The following CORIN variants were observed in gnomAD, a reference collection of about 807,000 sequenced individuals.
The protein encoded by CORIN is corin, serine peptidase.
CORIN carries 117 observed loss-of-function variants against 125.3 expected under a neutral mutation model. The observed-to-expected ratio is 0.93, with a 90% CI of 0.80 to 1.09. The LOEUF is 1.09. Ranked by LOEUF, CORIN falls within the 50% of genes least tolerant of loss-of-function variation. The pLI is 0.00. For synonymous variants in CORIN, 450 were observed against 466.4 expected, an observed-to-expected ratio of 0.96 and a Z score of 0.45; for missense variants, 1,253 against 1,306.7, an observed-to-expected ratio of 0.96 and a Z score of 0.63.
intron 4 of CORIN, among the ~76,000 whole-genome samples, chr4:47,754,440 C>T (rs940691203): frequency 6.6e-6 from 1 of 152,076 alleles, no homozygotes; most frequent in African/African-American, 2.4e-5. Flanking sequence ...GTAACAGCAA[C>T]AGTGCTCATC....
intron 16 of CORIN, among the ~76,000 whole-genome samples, chr4:47,632,725 T>TGATAGATAGATGATA (rs1553905881): frequency 2.4e-5 from 3 of 126,658 alleles, no homozygotes; most frequent in Non-Finnish European, 4.9e-5. Context: ...TGACAATAGA[T>TGATAGATAGATGATA]GATAGATAGA....
chr4:47,794,310 C>T (rs1172568063), intron 2 of CORIN, among the ~76,000 whole-genome samples: 2 of 152,122 alleles, frequency 1.3e-5, no homozygotes, highest in African/African-American at 4.8e-5. Context: ...CAATGATCTC[C>T]AGTTCATCTA....
chr4:47,600,301 T>C lies in CORIN; in HGVS notation c.2859A>G (p.Glu953=). Residue 953 remains glutamate (E), a synonymous_variant, in exon 21 of 22, where the codon GAA becomes GAG. Coordinates refer to ENST00000273857, the MANE Select transcript of CORIN (RefSeq NM_006587.4). The part of the protein sequence containing the change: ...QEGEVRIISL[E]HCQSYFDMKT... Reference sequence around the variant, plus strand: ...TCATGTCAAAGTAGGACTGACAATGTTCCAGAGAAATAATGCGGACCTCTC... The same window carrying C: ...TCATGTCAAAGTAGGACTGACAATGCTCCAGAGAAATAATGCGGACCTCTC... 6.2e-7 allele frequency: 1 copy of C among 1,613,714 alleles called. No homozygotes were observed. The highest frequency in any genetic ancestry group is 8.5e-7 in the Non-Finnish European group (1 of 1,179,756).
chr4:47,627,145 G>C (rs1722610859), intron 16 of CORIN, among the ~76,000 whole-genome samples: 3 of 152,062 alleles, frequency 2.0e-5, no homozygotes, highest in Admixed American at 2.0e-4. Context: ...ATCACGCCCA[G>C]CTAATTTTTA....
At chr4:47,681,688 C>T (rs1302975603) in intron 7 of CORIN, 1 of 152,118 alleles carries the variant, frequency 6.6e-6, no homozygotes, top group Non-Finnish European at 1.5e-5. Flanking sequence ...GGATATAACC[C>T]ACATCTAAAT....
chr4:47,813,059 A>T (rs1260843739), intron 1 of CORIN, among the ~76,000 whole-genome samples: 2 of 152,174 alleles, frequency 1.3e-5, no homozygotes, highest in Non-Finnish European at 2.9e-5. Flanking sequence ...ACCACCCCTC[A>T]TTGCCTGCTC....
At chr4:47,788,233 G>A (rs1730908010) in intron 2 of CORIN, among the ~76,000 whole-genome samples, 1 of 152,024 alleles carries the variant, frequency 6.6e-6, no homozygotes, top group South Asian at 2.1e-4. Context: ...ATAGTCCCAA[G>A]GACCATTAAA....
At chr4:47,803,065 G>A (rs944806132) in intron 2 of CORIN, among the ~76,000 whole-genome samples, 3 of 152,158 alleles carry the variant, frequency 2.0e-5, no homozygotes, top group African/African-American at 4.8e-5. Flanking sequence ...TTATAGGGTC[G>A]CAGGCCCAAG....
intron 4 of CORIN, among the ~76,000 whole-genome samples, chr4:47,746,150 AT>A (rs1728653562): frequency 6.6e-6 from 1 of 152,304 alleles, no homozygotes; most frequent in Non-Finnish European, 1.5e-5. Flanking sequence ...GTTTTTCATT[AT>A]TTCCTGCCTG....
intron 1 of CORIN, among the ~76,000 whole-genome samples, chr4:47,829,140 AGG>A (rs1225068066): frequency 7.9e-6 from 1 of 126,652 alleles, no homozygotes; most frequent in Non-Finnish European, 1.6e-5. Context: ...CCTGGGTGAC[AGG>A]GCGAGACTCC....
intron 1 of CORIN, among the ~76,000 whole-genome samples, chr4:47,830,730 C>A (rs1732946379): frequency 6.6e-6 from 1 of 152,148 alleles, no homozygotes; most frequent in Non-Finnish European, 1.5e-5. Context: ...AAAATTCAAA[C>A]AGAACTATGC....
chr4:47,700,765 C>T (rs909295925), intron 5 of CORIN, among the ~76,000 whole-genome samples: 1 of 152,146 alleles, frequency 6.6e-6, no homozygotes, highest in Non-Finnish European at 1.5e-5. Context: ...CACGTGAGCA[C>T]TGGTCTCTGC....
chr4:47,788,424 C>G (rs1043689591), intron 2 of CORIN, among the ~76,000 whole-genome samples: 23 of 152,116 alleles, frequency 1.5e-4, no homozygotes, highest in Non-Finnish European at 2.2e-4. Flanking sequence ...AGCATAAAAG[C>G]TAAATCATGA....
intron 2 of CORIN, among the ~76,000 whole-genome samples, chr4:47,787,570 C>T (rs950436178): frequency 1.3e-5 from 2 of 151,008 alleles, no homozygotes; most frequent in African/African-American, 4.9e-5. Context: ...TTATCTTCAT[C>T]TTCGACCAGA....
intron 5 of CORIN, among the ~76,000 whole-genome samples, chr4:47,721,206 T>A (rs747994027): frequency 1.3e-5 from 2 of 151,894 alleles, no homozygotes; most frequent in Non-Finnish European, 2.9e-5. Flanking sequence ...GCGCTCTATC[T>A]CTTACTCTTC....
At chr4:47,605,833 C>T (rs1721627322) in intron 19 of CORIN, among the ~76,000 whole-genome samples, 1 of 152,092 alleles carries the variant, frequency 6.6e-6, no homozygotes, top group South Asian at 2.1e-4. Context: ...CTTGGCACGC[C>T]TTTCTTTACC....
chr4:47,643,832 A>G (rs1388516009), intron 14 of CORIN, among the ~76,000 whole-genome samples: 3 of 152,322 alleles, frequency 2.0e-5, no homozygotes, highest in African/African-American at 7.2e-5. Context: ...CCCCACTTCC[A>G]AAGGAAGATC....
intron 6 of CORIN, among the ~76,000 whole-genome samples, chr4:47,689,530 G>T (rs1725672881): frequency 6.6e-6 from 1 of 152,146 alleles, no homozygotes; most frequent in Non-Finnish European, 1.5e-5. Flanking sequence ...CACAGAAAAT[G>T]ATTTTCAAAA....
chr4:47,783,406 T>C (rs1730638773), intron 3 of CORIN, among the ~76,000 whole-genome samples: 1 of 152,076 alleles, frequency 6.6e-6, no homozygotes, highest in Non-Finnish European at 1.5e-5. Flanking sequence ...CTGTACTACA[T>C]AGTGTAATAT....
Sources: allele counts gnomAD v4.1 joint callset (sites outside exome capture counted in the v4.1 genomes callset), GRCh38; gene constraint gnomAD v4.1.1; transcripts MANE v1.5; gene names NCBI Gene and HGNC (gene_info 2026-07-23, HGNC 2026-07-21).